GNB1L: variants seen among roughly 807,000 people sequenced by gnomAD.
The protein encoded by GNB1L is G protein subunit beta 1 like, also known as guanine nucleotide-binding protein subunit beta-like protein 1.
A neutral mutation model predicts 29.1 loss-of-function variants in GNB1L; 20 were observed. That is an observed-to-expected ratio of 0.69 (90% CI 0.48 to 1.00). The LOEUF (loss-of-function observed/expected upper bound fraction) is 1.00, where lower values mean the gene tolerates loss of function less well. Among genes scored for constraint, GNB1L ranks in the 50% least tolerant of loss-of-function variants. GNB1L has a pLI of 0.00. For missense variants in GNB1L, 421 were observed against 464.9 expected (o/e 0.91, Z 0.87); for synonymous variants, 193 against 206.5 (o/e 0.93, Z 0.56).
At chr22:19,830,443 A>G (rs1281720186) in intron 2 of GNB1L, among the ~76,000 whole-genome samples, 1 of 152,194 alleles carries the variant, frequency 6.6e-6, no homozygotes, top group Non-Finnish European at 1.5e-5. Flanking sequence ...TTCCATTTAT[A>G]CCAAAGAAGA....
chr22:19,801,401 C>G (rs1320171001), intron 7 of GNB1L, among the ~76,000 whole-genome samples: 2 of 152,010 alleles, frequency 1.3e-5, no homozygotes, highest in Admixed American at 1.3e-4. Flanking sequence ...CCCTCCCATC[C>G]CAAACAGGGC....
chr22:19,796,492 G>A (rs73148921), intron 7 of GNB1L, among the ~76,000 whole-genome samples: 16,933 of 152,270 alleles, frequency 0.11, 1,564 homozygotes, highest in East Asian at 0.45. Flanking sequence ...TTCAGACCTT[G>A]TTCCCAGACC....
intron 7 of GNB1L, among the ~76,000 whole-genome samples, chr22:19,789,636 C>T (rs1481461624): frequency 6.6e-6 from 1 of 152,096 alleles, no homozygotes; most frequent in Non-Finnish European, 1.5e-5. Context: ...CGGAGCCACA[C>T]AGACAGGTCC....
intron 5 of GNB1L, among the ~76,000 whole-genome samples, chr22:19,809,313 G>A (rs1479391544): frequency 6.6e-6 from 1 of 152,048 alleles, no homozygotes; most frequent in African/African-American, 2.4e-5. Flanking sequence ...CCGGGCAGTT[G>A]GAGGAGAGCC....
At chr22:19,851,721 C>A in intron 2 of GNB1L, 1 of 1,604,642 alleles carries the variant, frequency 6.2e-7, no homozygotes. Context: ...CTGTTCGGGT[C>A]TTGAACAACT....
At chr22:19,804,147 C>T (rs1367016434) in intron 6 of GNB1L, among the ~76,000 whole-genome samples, 1 of 152,388 alleles carries the variant, frequency 6.6e-6, no homozygotes, top group Admixed American at 6.5e-5. Context: ...TGACAGATAC[C>T]ACAGGCCGGG....
At chr22:19,839,111 G>A (rs1346136462) in intron 2 of GNB1L, among the ~76,000 whole-genome samples, 1 of 152,190 alleles carries the variant, frequency 6.6e-6, no homozygotes, top group African/African-American at 2.4e-5. Flanking sequence ...GGACAGACCA[G>A]TGACTGTCAT....
At chr22:19,805,799 A>G (rs977344480) in intron 6 of GNB1L, among the ~76,000 whole-genome samples, 4 of 151,016 alleles carry the variant, frequency 2.6e-5, no homozygotes, top group African/African-American at 4.9e-5. Flanking sequence ...AAATAAATAA[A>G]TAAAATAGAA....
chr22:19,843,702 C>T (rs1344846247), intron 2 of GNB1L, among the ~76,000 whole-genome samples: 1 of 152,206 alleles, frequency 6.6e-6, no homozygotes, highest in Non-Finnish European at 1.5e-5. Context: ...ACCCGAGCCC[C>T]GGCTGCCCAG....
At chr22:19,805,585 A>G (rs1220747591) in intron 6 of GNB1L, among the ~76,000 whole-genome samples, 2 of 152,060 alleles carry the variant, frequency 1.3e-5, no homozygotes, top group African/African-American at 2.4e-5. Context: ...GATGGAGACC[A>G]TCCTGGCTGA....
At chr22:19,793,148 TCCTTC>T in intron 7 of GNB1L, 1 of 1,084,100 alleles carries the variant, frequency 9.2e-7, no homozygotes, top group Admixed American at 2.5e-5. Flanking sequence ...ATACAAATTT[TCCTTC>T]AAAAAAAAAA....
At chr22:19,820,472 C>G in intron 4 of GNB1L, 126 bp downstream of exon 4, 1 of 1,062,924 alleles carries the variant, frequency 9.4e-7, no homozygotes, top group Non-Finnish European at 1.4e-6. Flanking sequence ...TGCTGCGGAC[C>G]CTTTGCTGGC....
chr22:19,788,389 G>A lies in GNB1L; in HGVS notation c.*320C>T. On this transcript the variant is annotated 3_prime_UTR_variant, in exon 8 of 8. Transcript: ENST00000329517. ...TAAGTGGGGGACCAGGGCCTCCTCA[G>A]GGAGCTCCCACCTCAAGCCTGCAAC... 1 of 588,498 alleles carries A rather than the reference G, an allele frequency of 1.7e-6. No homozygotes were observed. 36.5% of individuals were successfully genotyped at this position (588,498 alleles called of 1,614,324 possible).
In GNB1L at chr22:19,837,185, G is replaced by C. The variant is rs553384167; in HGVS notation, c.-20-15810C>G. Among the ~76,000 whole-genome samples the C allele has an allele frequency of 7.4e-3, 1,119 of 152,100 alleles. 3 individuals carry two copies. The highest frequency in any genetic ancestry group is 0.01 in the Non-Finnish European group (694 of 67,974). Reference sequence around the variant, plus strand: ...GTCTCACCGTGTTAGCCAGGATGGTGTTGATCTCCTGACCTCGTGATCCAC... The same window carrying C: ...GTCTCACCGTGTTAGCCAGGATGGTCTTGATCTCCTGACCTCGTGATCCAC... On this transcript the variant is annotated intron_variant, in intron 2 of 7. Coordinates refer to ENST00000329517, the MANE Select transcript of GNB1L (RefSeq NM_053004.3).
intron 2 of GNB1L, chr22:19,847,988 C>T: frequency 1.0e-6 from 1 of 985,238 alleles, no homozygotes; most frequent in Non-Finnish European, 1.2e-6. Context: ...ATTGGAAACA[C>T]CTCTAGCCTG....
At chr22:19,842,205 G>A (rs189309811) in intron 2 of GNB1L, among the ~76,000 whole-genome samples, 3 of 152,196 alleles carry the variant, frequency 2.0e-5, no homozygotes, top group Non-Finnish European at 2.9e-5. Context: ...CTCAGCCAGC[G>A]ACCCTGATCT....
chr22:19,799,794 G>A (rs1418630144), intron 7 of GNB1L, among the ~76,000 whole-genome samples: 1 of 152,212 alleles, frequency 6.6e-6, no homozygotes, highest in East Asian at 1.9e-4. Context: ...ACGCTCTCAG[G>A]CAGCTCACCT....
At chr22:19,815,221 C>CGTGCGGT (rs1295183038) in intron 4 of GNB1L, among the ~76,000 whole-genome samples, 1 of 152,160 alleles carries the variant, frequency 6.6e-6, no homozygotes, top group African/African-American at 2.4e-5. Context: ...CCAGGAGGGC[C>CGTGCGGT]GTGCGGTGTG....
At chr22:19,849,076 C>A (rs1938032485) in intron 2 of GNB1L, 2 of 985,476 alleles carry the variant, frequency 2.0e-6, no homozygotes, top group Non-Finnish European at 2.4e-6. Context: ...TGACCTGGCA[C>A]AGAAGCATGG....
Sources: allele counts gnomAD v4.1 joint callset (sites outside exome capture counted in the v4.1 genomes callset), GRCh38; gene constraint gnomAD v4.1.1; transcripts MANE v1.5; gene names NCBI Gene and HGNC (gene_info 2026-07-23, HGNC 2026-07-21).